CNGB3: variants seen among roughly 807,000 people sequenced by gnomAD.
CNGB3 encodes the protein cyclic nucleotide-gated channel beta-3.
Under a neutral mutation model 92.8 loss-of-function variants are expected in CNGB3, and 86 were observed. The observed-to-expected ratio is 0.93, with a 90% CI of 0.78 to 1.11. CNGB3 has a LOEUF of 1.11. Ranked by LOEUF, CNGB3 falls within the 50% of genes least tolerant of loss-of-function variation. CNGB3 has a pLI of 0.00. For synonymous variants in CNGB3, 333 were observed against 332.7 expected, an observed-to-expected ratio of 1.00 and a Z score of -0.01; for missense variants, 1,026 against 956.8, an observed-to-expected ratio of 1.07 and a Z score of -0.95.
intron 15 of CNGB3, among the ~76,000 whole-genome samples, chr8:86,602,863 T>C (rs1357377206): frequency 6.6e-6 from 1 of 152,214 alleles, no homozygotes; most frequent in Admixed American, 6.5e-5. Flanking sequence ...TTCATTCATA[T>C]TTAGAAAAAG....
intron 3 of CNGB3, among the ~76,000 whole-genome samples, chr8:86,704,592 G>C (rs1290674870): frequency 6.6e-6 from 1 of 152,154 alleles, no homozygotes; most frequent in African/African-American, 2.4e-5. Context: ...AGCTACATCA[G>C]GGACTTGGAG....
intron 13 of CNGB3, among the ~76,000 whole-genome samples, chr8:86,612,076 T>C (rs897608106): frequency 1.3e-5 from 2 of 152,206 alleles, no homozygotes; most frequent in African/African-American, 4.8e-5. Context: ...AAATCTTTGC[T>C]AGATATTTTT....
intron 15 of CNGB3, among the ~76,000 whole-genome samples, chr8:86,585,817 C>T (rs1821879326): frequency 6.6e-6 from 1 of 151,992 alleles, no homozygotes; most frequent in Admixed American, 6.6e-5. Context: ...GTAATAGAGC[C>T]CCCAGTAAAG....
At chr8:86,684,656 CAAA>C (rs34942527) in intron 3 of CNGB3, among the ~76,000 whole-genome samples, 6 of 122,538 alleles carry the variant, frequency 4.9e-5, no homozygotes, top group Non-Finnish European at 3.5e-5. Context: ...ATACTTAAGC[CAAA>C]AAAAAAAAAA....
At chr8:86,711,333 A>G (rs1015709006) in intron 3 of CNGB3, among the ~76,000 whole-genome samples, 1 of 152,144 alleles carries the variant, frequency 6.6e-6, no homozygotes, top group African/African-American at 2.4e-5. Flanking sequence ...TCACTCTTGT[A>G]ATTTTCAAAA....
chr8:86,715,254 C>T (rs1262979350), intron 3 of CNGB3, among the ~76,000 whole-genome samples: 1 of 152,056 alleles, frequency 6.6e-6, no homozygotes, highest in Admixed American at 6.6e-5. Flanking sequence ...ATTGGCACAA[C>T]TGAAAAAAAT....
In CNGB3 at chr8:86,713,854, A is replaced by T. The variant is rs888868803; in HGVS notation, c.338+12677T>A. ...ATTTTATTCTTTCCGACTTAAAAAAATATACTTCATTGTTTAGAGCAGCTT... is the reference window on the plus strand; with the variant it reads ...ATTTTATTCTTTCCGACTTAAAAAATTATACTTCATTGTTTAGAGCAGCTT... On this transcript the variant is annotated intron_variant, in intron 3 of 17. Transcript: ENST00000320005. 2.0e-5 allele frequency among the ~76,000 whole-genome samples: 3 copies of T among 152,304 alleles called. No individual in the cohort carries two copies. The Middle Eastern group carries it at 0.01, about 518-fold the overall frequency.
At chr8:86,726,978 T>C (rs577059159) in intron 2 of CNGB3, among the ~76,000 whole-genome samples, 1 of 152,176 alleles carries the variant, frequency 6.6e-6, no homozygotes, top group Non-Finnish European at 1.5e-5. Context: ...TGTTATAGCC[T>C]ACCACACACC....
At chr8:86,580,710 C>T (rs144825678) in intron 15 of CNGB3, among the ~76,000 whole-genome samples, 271 of 152,246 alleles carry the variant, frequency 1.8e-3, no homozygotes, top group African/African-American at 5.8e-3. Context: ...AAAAGTCTGT[C>T]GTTACCGGTG....
intron 3 of CNGB3, among the ~76,000 whole-genome samples, chr8:86,687,479 A>G (rs781051060): frequency 6.6e-6 from 1 of 152,080 alleles, no homozygotes; most frequent in Non-Finnish European, 1.5e-5. Context: ...GATAACGAGA[A>G]CAGACAAGTT....
intron 3 of CNGB3, among the ~76,000 whole-genome samples, chr8:86,690,676 G>T (rs929881313): frequency 6.6e-6 from 1 of 152,030 alleles, no homozygotes; most frequent in African/African-American, 2.4e-5. Context: ...TTCTTCTAGG[G>T]TTTTTATGGT....
intron 3 of CNGB3, among the ~76,000 whole-genome samples, chr8:86,694,410 C>G (rs111322135): frequency 1.3e-5 from 2 of 151,346 alleles, no homozygotes; most frequent in Non-Finnish European, 2.9e-5. Flanking sequence ...CTGACCCCCA[C>G]CTCCCTCCCG....
At chr8:86,610,339 C>T (rs1346936923) in intron 14 of CNGB3, among the ~76,000 whole-genome samples, 1 of 152,138 alleles carries the variant, frequency 6.6e-6, no homozygotes. Context: ...ATAAATCATT[C>T]TAAAATTGTT....
At chr8:86,630,595 G>A (rs1822944075) in intron 11 of CNGB3, among the ~76,000 whole-genome samples, 2 of 152,210 alleles carry the variant, frequency 1.3e-5, no homozygotes, top group East Asian at 1.9e-4. Context: ...GCTGGGTGCA[G>A]TGGCTCCATG....
intron 14 of CNGB3, among the ~76,000 whole-genome samples, chr8:86,607,015 G>A (rs1481841768): frequency 6.6e-6 from 1 of 152,152 alleles, no homozygotes; most frequent in Non-Finnish European, 1.5e-5. Flanking sequence ...ATGAGGACAG[G>A]GTCATATTCC....
intron 17 of CNGB3, among the ~76,000 whole-genome samples, chr8:86,577,968 G>A (rs1210854259): frequency 6.6e-6 from 1 of 152,140 alleles, no homozygotes; most frequent in Non-Finnish European, 1.5e-5. Flanking sequence ...GGAGTGCAGT[G>A]TTGTGATCTC....
chr8:86,631,695 C>T (rs149035213), intron 11 of CNGB3, among the ~76,000 whole-genome samples: 52 of 152,226 alleles, frequency 3.4e-4, no homozygotes, highest in Middle Eastern at 3.4e-3. Flanking sequence ...TTATACTTAA[C>T]AATTTTTAGC....
At chr8:86,717,413 A>T (rs912300409) in intron 3 of CNGB3, among the ~76,000 whole-genome samples, 22 of 151,956 alleles carry the variant, frequency 1.4e-4, no homozygotes, top group Non-Finnish European at 2.2e-4. Context: ...AATACAAAAA[A>T]TTAGCCAGGC....
chr8:86,680,110 A>G (rs1417634749), intron 3 of CNGB3, among the ~76,000 whole-genome samples: 2 of 152,222 alleles, frequency 1.3e-5, no homozygotes, highest in Non-Finnish European at 2.9e-5. Context: ...TGGAATACAT[A>G]CATATCAAGA....
Sources: gnomAD v4.1 joint callset for allele counts (sites outside exome capture counted in the v4.1 genomes callset) on GRCh38, gnomAD v4.1.1 for gene constraint, MANE v1.5 for transcripts, NCBI Gene and HGNC (gene_info 2026-07-23, HGNC 2026-07-21) for gene names.